FGF12: variants seen among roughly 807,000 people sequenced by gnomAD.
The protein encoded by FGF12 is fibroblast growth factor 12B.
In FGF12, 14 loss-of-function variants were observed where a neutral mutation model predicts 23.6. The observed-to-expected ratio is 0.59, with a 90% CI of 0.39 to 0.93. The LOEUF is 0.93. FGF12 is among the 40% of genes least tolerant of loss of function. The pLI, the probability that FGF12 is intolerant of heterozygous loss-of-function variation, is 0.00. For synonymous variants in FGF12, 62 were observed against 77.3 expected (o/e 0.80, Z 1.04); for missense variants, 175 against 217.8 (o/e 0.80, Z 1.24).
At chr3:192,290,374 G>A (rs759960478) in intron 4 of FGF12, among the ~76,000 whole-genome samples, 9 of 152,040 alleles carry the variant, frequency 5.9e-5, no homozygotes, top group Non-Finnish European at 1.2e-4. Flanking sequence ...CCTACTGATC[G>A]TATCCCTATG....
intron 4 of FGF12, among the ~76,000 whole-genome samples, chr3:192,212,192 C>T (rs1006141611): frequency 2.0e-4 from 31 of 152,124 alleles, no homozygotes; most frequent in African/African-American, 6.5e-4. Context: ...GGCTGCAAAC[C>T]GCTGAGTTGT....
rs35576382 is a variant in FGF12 at position 192,174,700 on chromosome 3, C to CT, written c.229-4045dup. 2.7e-3 allele frequency among the ~76,000 whole-genome samples: 383 copies of CT among 142,428 alleles called. 1 individual carries two copies. Among genetic ancestry groups the CT allele is most frequent in the Non-Finnish European group, 1.4e-3 (94 of 64,956 alleles). The allele number at this position is 142,428 out of a possible 152,430, so 93.4% of individuals were successfully genotyped here. ...TTACATTGTATTTGCTATTATGCCT[C>CT]TTTTTTTTTTGTAATGAGAAATCAG... On this transcript the variant is annotated intron_variant, in intron 4 of 5. Transcript: ENST00000445105.
intron 4 of FGF12, among the ~76,000 whole-genome samples, chr3:192,178,329 T>C (rs540262448): frequency 9.7e-4 from 148 of 152,140 alleles, no homozygotes; most frequent in Non-Finnish European, 1.9e-3. Flanking sequence ...TATTATTTAA[T>C]AAGCAAACAA....
intron 4 of FGF12, among the ~76,000 whole-genome samples, chr3:192,199,922 A>G (rs1395419090): frequency 1.3e-5 from 2 of 152,302 alleles, no homozygotes; most frequent in East Asian, 3.9e-4. Context: ...CCAATCATAT[A>G]CATGTACTTG....
intron 2 of FGF12, among the ~76,000 whole-genome samples, chr3:192,628,846 C>T (rs1715280959): frequency 6.6e-6 from 1 of 151,792 alleles, no homozygotes; most frequent in Admixed American, 6.6e-5. Flanking sequence ...CACACACATA[C>T]ACAATCCTAT....
At chr3:192,266,248 T>C (rs973877891) in intron 4 of FGF12, among the ~76,000 whole-genome samples, 2 of 152,218 alleles carry the variant, frequency 1.3e-5, no homozygotes, top group Non-Finnish European at 2.9e-5. Context: ...ACTTTGGTTA[T>C]GTCTAAGACC....
Position 192,596,117 on chromosome 3 carries a change from T to TATAATATAATATAATATAAC in FGF12, c.13+131063_13+131064insGTTATATTATATTATATTAT, listed in dbSNP as rs1553836839. Among the ~76,000 whole-genome samples the TATAATATAATATAATATAAC allele has an allele frequency of 3.9e-3, 564 of 143,068 alleles. 1 individual carries two copies. Among genetic ancestry groups the TATAATATAATATAATATAAC allele is most frequent in the Admixed American group, 7.6e-3 (106 of 13,940 alleles). 93.9% of individuals were successfully genotyped at this position (143,068 alleles called of 152,430 possible). On this transcript the variant is annotated intron_variant, in intron 2 of 5. Coordinates refer to ENST00000445105, the MANE Select transcript of FGF12 (RefSeq NM_004113.6). Reference sequence around the variant, plus strand: ...AAAAATATAATATAATATAATATAATATAATATAATATAATATAATATAAT... The same window carrying TATAATATAATATAATATAAC: ...AAAAATATAATATAATATAATATAATATAATATAATATAATATAACATAATATAATATAATATAATATAAT...
chr3:192,705,370 G>A (rs1718434101), intron 2 of FGF12, among the ~76,000 whole-genome samples: 1 of 152,200 alleles, frequency 6.6e-6, no homozygotes, highest in Non-Finnish European at 1.5e-5. Flanking sequence ...TGAGAAGAGG[G>A]AGAAAGATGG....
chr3:192,679,498 G>A (rs1249475403), intron 2 of FGF12, among the ~76,000 whole-genome samples: 1 of 152,032 alleles, frequency 6.6e-6, no homozygotes, highest in Admixed American at 6.6e-5. Flanking sequence ...CTCAGGAGGT[G>A]GGAGGTCAGA....
In FGF12 at chr3:192,139,921, G is replaced by A. The variant is rs1232669958; in HGVS notation, c.*4088C>T. On this transcript the variant is annotated 3_prime_UTR_variant, in exon 6 of 6. Coordinates refer to ENST00000445105, the MANE Select transcript of FGF12 (RefSeq NM_004113.6). ...ATGACTTAACATGAAATCTGTATTGGGAAGTATAGATTTCTAAGATAACTT... is the reference window on the plus strand; with the variant it reads ...ATGACTTAACATGAAATCTGTATTGAGAAGTATAGATTTCTAAGATAACTT... The A allele has an allele frequency of 6.6e-6, 1 of 151,818 alleles. No individual in the cohort carries two copies. Among genetic ancestry groups the A allele is most frequent in the Non-Finnish European group, 1.5e-5 (1 of 67,888 alleles). 9.4% of individuals were successfully genotyped at this position (151,818 alleles called of 1,614,324 possible). A position where few individuals can be genotyped will look rare whatever the true frequency, so the allele number is the denominator to read the frequency against.
rs1418746848 is a variant in FGF12 at position 192,336,299 on chromosome 3, A to T, written c.125-835T>A. Among the ~76,000 whole-genome samples, 1 of 152,080 alleles carries T rather than the reference A, an allele frequency of 6.6e-6. No homozygotes were observed. The highest frequency in any genetic ancestry group is 1.9e-4 in the East Asian group (1 of 5,194). ...CATGCTTGCAGTCTTTACATATTCG[A>T]GTTGCTCATCACTCAAAATACTCAA... On this transcript the variant is annotated intron_variant, in intron 3 of 5. Transcript: ENST00000445105. This position sits in a 1 kb window ranked among gnomAD's most constrained non-coding sequence, Gnocchi z 4.3.
intron 2 of FGF12, among the ~76,000 whole-genome samples, chr3:192,464,640 C>T (rs1722959474): frequency 1.3e-5 from 2 of 152,102 alleles, no homozygotes; most frequent in South Asian, 4.2e-4. Flanking sequence ...ATGTGCAAGT[C>T]TCTTTTTCAC....
intron 2 of FGF12, among the ~76,000 whole-genome samples, chr3:192,447,927 G>A (rs2108800121): frequency 6.6e-6 from 1 of 152,282 alleles, no homozygotes; most frequent in Non-Finnish European, 1.5e-5. Flanking sequence ...TTATCATTCT[G>A]ACTTTTAGCA....
chr3:192,407,172 C>A (rs548513180), intron 2 of FGF12, among the ~76,000 whole-genome samples: 1 of 152,150 alleles, frequency 6.6e-6, no homozygotes, highest in Non-Finnish European at 1.5e-5. Context: ...CATCCAAAAG[C>A]AATCATCTGC....
chr3:192,447,637 C>T (rs76229809), intron 2 of FGF12, among the ~76,000 whole-genome samples: 1,716 of 152,258 alleles, frequency 0.011, 25 homozygotes, highest in African/African-American at 0.04. Context: ...ACTCTTTTCT[C>T]ATCACGTAAA....
chr3:192,404,369 T>G (rs1720879972), intron 2 of FGF12, among the ~76,000 whole-genome samples: 1 of 152,172 alleles, frequency 6.6e-6, no homozygotes, highest in Non-Finnish European at 1.5e-5. Context: ...CAAACACCTT[T>G]CCCTCCTTGA....
At chr3:192,177,439 T>G (rs1270298573) in intron 4 of FGF12, among the ~76,000 whole-genome samples, 28 of 152,232 alleles carry the variant, frequency 1.8e-4, no homozygotes, top group Admixed American at 1.8e-3. Context: ...TGTGATTCAC[T>G]CAGAACCGCT....
intron 4 of FGF12, among the ~76,000 whole-genome samples, chr3:192,279,058 G>C (rs1196708228): frequency 6.6e-6 from 1 of 151,944 alleles, no homozygotes; most frequent in Non-Finnish European, 1.5e-5. Flanking sequence ...ATTGAGCTGG[G>C]AAATTTACTT....
At chr3:192,380,186 A>AG (rs1325107162) in intron 2 of FGF12, among the ~76,000 whole-genome samples, 1 of 152,234 alleles carries the variant, frequency 6.6e-6, no homozygotes, top group African/African-American at 2.4e-5. Context: ...TTTCAGTTCC[A>AG]GGTGTCCAAG....
Sources: gnomAD v4.1 joint callset for allele counts (sites outside exome capture counted in the v4.1 genomes callset) on GRCh38, gnomAD v4.1.1 for gene constraint, Gnocchi (gnomAD v3.1) non-coding constraint, MANE v1.5 for transcripts, NCBI Gene and HGNC (gene_info 2026-07-23, HGNC 2026-07-21) for gene names.